Variants in NDUFAF6 observed in about 807,000 individuals in gnomAD.
NDUFAF6 encodes the protein NADH:ubiquinone oxidoreductase complex assembly factor 6, also known as NADH dehydrogenase (ubiquinone) complex I, assembly factor 6.
A neutral mutation model predicts 40.8 loss-of-function variants in NDUFAF6; 45 were observed. That is an observed-to-expected ratio of 1.10 (90% CI 0.87 to 1.42). The LOEUF (loss-of-function observed/expected upper bound fraction) is 1.42. NDUFAF6 is among the 40% of genes most tolerant of loss of function. The pLI, the probability that NDUFAF6 is intolerant of heterozygous loss-of-function variation, is 0.00. For synonymous variants in NDUFAF6, 185 were observed against 155.9 expected (o/e 1.19, Z -1.39); for missense variants, 435 against 418.5 (o/e 1.04, Z -0.34).
chr8:94,933,765 A>T (rs1247274339), intron 1 of NDUFAF6, among the ~76,000 whole-genome samples: 1 of 149,040 alleles, frequency 6.7e-6, no homozygotes, highest in Non-Finnish European at 1.5e-5. Context: ...ACTCTCTCAA[A>T]AAAAACCCCC....
At position 94,921,302 on chromosome 8, in the gene NDUFAF6, A is replaced by T. The variant is rs1477932707; in HGVS notation, c.-935-24181A>T. 1.9e-4 allele frequency among the ~76,000 whole-genome samples: 29 copies of T among 152,180 alleles called. 1 individual carries two copies. Among genetic ancestry groups the T allele is most frequent in the Admixed American group, 1.9e-3 (29 of 15,274 alleles). ...TCTTGACTGAAGTTAAGTGGGGATG[A>T]GTCTCAGCTTCTCTCGGCAGTCCCA... On this transcript the variant is annotated intron_variant, in intron 1 of 14. Coordinates refer to the NDUFAF6 transcript ENST00000396113.
At chr8:94,923,828 C>G (rs1298293601) in intron 1 of NDUFAF6, among the ~76,000 whole-genome samples, 3 of 146,346 alleles carry the variant, frequency 2.0e-5, no homozygotes, top group African/African-American at 7.5e-5. Flanking sequence ...TACAGGTGCC[C>G]GCCACCACGC....
chr8:95,047,256 G>C (rs1830880934), intron 6 of NDUFAF6, 129 bp downstream of exon 6: 4 of 1,322,072 alleles, frequency 3.0e-6, no homozygotes, highest in Non-Finnish European at 4.2e-6. Flanking sequence ...TACTAAAAAT[G>C]GCCTTCCTCT....
At chr8:95,109,093 A>C (rs914288452) in intron 4 of NDUFAF6, among the ~76,000 whole-genome samples, 2 of 152,208 alleles carry the variant, frequency 1.3e-5, no homozygotes, top group African/African-American at 4.8e-5. Flanking sequence ...TTTACAGTTT[A>C]TCCCATTTGC....
chr8:95,043,148 G>A (rs946630299), intron 4 of NDUFAF6, among the ~76,000 whole-genome samples: 1 of 147,370 alleles, frequency 6.8e-6, no homozygotes, highest in African/African-American at 2.5e-5. Context: ...GCAGTGACAC[G>A]ATCTCGGCTC....
intron 1 of NDUFAF6, chr8:94,940,893 AG>A: frequency 6.2e-7 from 1 of 1,613,906 alleles, no homozygotes. Context: ...TCTTGGTTGG[AG>A]GAAGAACTGA....
At chr8:94,962,536 G>A (rs1185803628) in intron 1 of NDUFAF6, among the ~76,000 whole-genome samples, 3 of 151,808 alleles carry the variant, frequency 2.0e-5, no homozygotes, top group Non-Finnish European at 4.4e-5. Context: ...CAAGTAATTC[G>A]ACTGCCTTGA....
downstream of NDUFAF6, among the ~76,000 whole-genome samples, chr8:95,061,871 G>A (rs1340921394): frequency 1.3e-5 from 2 of 152,150 alleles, no homozygotes; most frequent in East Asian, 1.9e-4. Context: ...ACTTTTAAGA[G>A]TGTGGGCTGG....
At chr8:95,069,795 T>G (rs1262940891) in intron 9 of NDUFAF6, among the ~76,000 whole-genome samples, 1 of 142,152 alleles carries the variant, frequency 7.0e-6, no homozygotes, top group Non-Finnish European at 1.5e-5. Context: ...AAAAAAAAAA[T>G]TATATATATA....
At chr8:94,912,438 A>G (rs1312747075) in intron 1 of NDUFAF6, among the ~76,000 whole-genome samples, 2 of 152,228 alleles carry the variant, frequency 1.3e-5, no homozygotes, top group Non-Finnish European at 2.9e-5. Flanking sequence ...ATGATAAAGC[A>G]TTAATATTTC....
At chr8:95,012,879 G>C (rs1219165229) in intron 2 of NDUFAF6, among the ~76,000 whole-genome samples, 1 of 152,076 alleles carries the variant, frequency 6.6e-6, no homozygotes. Flanking sequence ...TAACTCCATA[G>C]ATGGTTACTG....
At chr8:95,015,809 G>T (rs944522136) in intron 2 of NDUFAF6, among the ~76,000 whole-genome samples, 5 of 152,130 alleles carry the variant, frequency 3.3e-5, no homozygotes, top group African/African-American at 7.3e-5. Context: ...AAATTAGCAA[G>T]AAGTGGGGAG....
intron 2 of NDUFAF6, among the ~76,000 whole-genome samples, chr8:94,993,579 C>T (rs1826286071): frequency 6.6e-6 from 1 of 152,146 alleles, no homozygotes; most frequent in African/African-American, 2.4e-5. Flanking sequence ...CTATAACCTC[C>T]TGGAGGATAA....
Position 95,035,442 on chromosome 8 carries a change from C to T in NDUFAF6, c.298-12C>T. 6.2e-7 allele frequency: 1 copy of T among 1,613,094 alleles called. No homozygotes were observed. The highest frequency in any genetic ancestry group is 8.5e-7 in the Non-Finnish European group (1 of 1,179,546). ...CAATGCATTTGCTAAAGTTTTTAAA[C>T]CCTGTTTATAGGTTAAAGACTCAGT... On this transcript the variant is annotated splice_polypyrimidine_tract_variant and intron_variant, in intron 2 of 8. Coordinates refer to ENST00000396124, the MANE Select transcript of NDUFAF6 (RefSeq NM_152416.4).
chr8:95,064,539 TCG>T (rs1491090529), intron 9 of NDUFAF6, among the ~76,000 whole-genome samples: 9 of 94,746 alleles, frequency 9.5e-5, no homozygotes, highest in African/African-American at 1.4e-4. Context: ...TATCATTTAT[TCG>T]TGTGTGTGTG....
At chr8:94,962,626 T>C (rs1435628502) in intron 1 of NDUFAF6, among the ~76,000 whole-genome samples, 1 of 132,980 alleles carries the variant, frequency 7.5e-6, no homozygotes, top group Non-Finnish European at 1.6e-5. Context: ...GTTTTTTTTT[T>C]TTTTGAGACA....
At chr8:94,909,599 C>G (rs1226373306) in intron 1 of NDUFAF6, among the ~76,000 whole-genome samples, 2 of 151,420 alleles carry the variant, frequency 1.3e-5, no homozygotes, top group Non-Finnish European at 2.9e-5. Context: ...GCACTCCAGC[C>G]TGGCGACAGA....
chr8:94,964,885 C>T (rs1823885743), intron 1 of NDUFAF6, among the ~76,000 whole-genome samples: 1 of 152,216 alleles, frequency 6.6e-6, no homozygotes, highest in South Asian at 2.1e-4. Context: ...CCACCCAGTG[C>T]CTGATACATC....
intron 1 of NDUFAF6, among the ~76,000 whole-genome samples, chr8:95,028,412 A>G (rs1244296637): frequency 1.3e-5 from 2 of 152,256 alleles, no homozygotes; most frequent in Non-Finnish European, 2.9e-5. Flanking sequence ...ATTCACATTT[A>G]TAACGATGAT....
Sources: allele counts gnomAD v4.1 joint callset (sites outside exome capture counted in the v4.1 genomes callset), GRCh38; gene constraint gnomAD v4.1.1; transcripts MANE v1.5; gene names NCBI Gene and HGNC (gene_info 2026-07-23, HGNC 2026-07-21).